ME3: variants seen among roughly 807,000 people sequenced by gnomAD.
ME3 encodes malic enzyme 3, also known as NADP-dependent malic enzyme, mitochondrial.
ME3 carries 48 observed loss-of-function variants against 68.9 expected under a neutral mutation model. The observed-to-expected ratio is 0.70, with a 90% CI of 0.55 to 0.89. ME3 has a LOEUF of 0.89. Among genes scored for constraint, ME3 ranks in the 40% least tolerant of loss-of-function variants. ME3 has a pLI of 0.00. For synonymous variants in ME3, 320 were observed against 318.8 expected (o/e 1.00, Z -0.04); for missense variants, 675 against 797.4 (o/e 0.85, Z 1.85).
intron 4 of ME3, among the ~76,000 whole-genome samples, chr11:86,533,980 C>T (rs1955458395): frequency 6.6e-6 from 1 of 151,948 alleles, no homozygotes; most frequent in Non-Finnish European, 1.5e-5. Context: ...TGTTACTGTA[C>T]TGACTACTGT....
intron 2 of ME3, among the ~76,000 whole-genome samples, chr11:86,561,244 C>A (rs990408424): frequency 1.3e-5 from 2 of 151,996 alleles, no homozygotes; most frequent in Admixed American, 6.6e-5. Context: ...CAATTCCTTA[C>A]TTTCTGGCAC....
chr11:86,530,011 C>A (rs1396350120), intron 4 of ME3, among the ~76,000 whole-genome samples: 1 of 152,122 alleles, frequency 6.6e-6, no homozygotes, highest in Non-Finnish European at 1.5e-5. Context: ...CCAGGGCAAT[C>A]AGGCAGGAGA....
chr11:86,480,464 T>C (rs949316787), intron 7 of ME3, among the ~76,000 whole-genome samples: 1 of 152,092 alleles, frequency 6.6e-6, no homozygotes, highest in African/African-American at 2.4e-5. Flanking sequence ...TTAGAAGAAA[T>C]TCCCCAAACA....
At chr11:86,545,784 G>A (rs549685837) in intron 4 of ME3, among the ~76,000 whole-genome samples, 2 of 152,122 alleles carry the variant, frequency 1.3e-5, no homozygotes, top group Non-Finnish European at 2.9e-5. Flanking sequence ...AGCTACCATT[G>A]ACTTTCTTCA....
rs149062212 is a variant in ME3, at chr11:86,670,958, G to T, written c.183+804C>A. On this transcript the variant is annotated intron_variant, in intron 2 of 14. Transcript: ENST00000543262. ...TGAGATATGTGAGTTAATTTGAGGA[G>T]GTAGGGGGAGACAGGACTAAATCTG... is the stretch of plus-strand genomic sequence containing the variant. Among the ~76,000 whole-genome samples the T allele has an allele frequency of 5.2e-3, 795 of 152,306 alleles. 5 individuals are homozygous for T. The highest frequency in any genetic ancestry group is 8.9e-3 in the Non-Finnish European group (603 of 68,016).
chr11:86,462,331 A>G (rs1395289332), intron 8 of ME3, among the ~76,000 whole-genome samples: 2 of 152,258 alleles, frequency 1.3e-5, no homozygotes, highest in Admixed American at 1.3e-4. Flanking sequence ...AAATAGGGAT[A>G]GATACTAGTC....
intron 4 of ME3, among the ~76,000 whole-genome samples, chr11:86,509,404 A>T (rs965094910): frequency 6.4e-5 from 5 of 77,652 alleles, no homozygotes; most frequent in African/African-American, 1.7e-4. Context: ...ATCATCACAC[A>T]CACACACACA....
chr11:86,637,638 C>T (rs1057215842), intron 2 of ME3, among the ~76,000 whole-genome samples: 6 of 152,050 alleles, frequency 3.9e-5, no homozygotes, highest in Admixed American at 6.5e-5. Flanking sequence ...AGACACCCCT[C>T]GAGAAGGGCC....
chr11:86,661,881 T>C (rs1946306990), intron 2 of ME3, among the ~76,000 whole-genome samples: 1 of 109,516 alleles, frequency 9.1e-6, no homozygotes, highest in African/African-American at 3.3e-5. Context: ...TGTATTGTAT[T>C]GTATTGACCA....
At chr11:86,567,657 A>G (rs1234639984) in intron 2 of ME3, among the ~76,000 whole-genome samples, 1 of 152,236 alleles carries the variant, frequency 6.6e-6, no homozygotes, top group African/African-American at 2.4e-5. Flanking sequence ...ATTTGAGGAA[A>G]AGGGATGACT....
intron 7 of ME3, among the ~76,000 whole-genome samples, chr11:86,474,698 C>G (rs560967269): frequency 6.6e-6 from 1 of 152,312 alleles, no homozygotes; most frequent in South Asian, 2.1e-4. Context: ...TGAGTGTTCT[C>G]TTCAGTTGCT....
intron 2 of ME3, among the ~76,000 whole-genome samples, chr11:86,604,238 A>G (rs1961260133): frequency 1.3e-5 from 2 of 152,054 alleles, no homozygotes; most frequent in South Asian, 4.2e-4. Context: ...GTTTCTTATT[A>G]GGTTTAAGGT....
intron 4 of ME3, among the ~76,000 whole-genome samples, chr11:86,514,484 G>A (rs965827872): frequency 6.6e-6 from 1 of 152,184 alleles, no homozygotes; most frequent in Non-Finnish European, 1.5e-5. Flanking sequence ...CTGGAATGGG[G>A]ATTTTCAAGT....
At position 86,442,742 on chromosome 11, in the gene ME3, C is replaced by T. The variant is rs779248576; in HGVS notation, c.1653+79G>A. On this transcript the variant is annotated intron_variant, in intron 14 of 14. Coordinates refer to ENST00000543262, the Ensembl canonical transcript of ME3. ...TCCAGTGTCTCCACAGTTTCCATCC[C>T]CTTAACCCTCCTAAAGTCACAGACA... 32 of 1,238,568 alleles carry T rather than the reference C, an allele frequency of 2.6e-5. No individual in the cohort carries two copies. In the East Asian group the frequency reaches 7.3e-4, roughly 28 times the overall value. 76.7% of individuals were successfully genotyped at this position (1,238,568 alleles called of 1,614,324 possible).
chr11:86,637,349 C>CAAAAAAAAAAAAAA (rs11402713), intron 2 of ME3, among the ~76,000 whole-genome samples: 2 of 122,062 alleles, frequency 1.6e-5, no homozygotes, highest in Non-Finnish European at 1.7e-5. Context: ...ACAAGAAGCA[C>CAAAAAAAAAAAAAA]AAAAAAAAAA....
intron 4 of ME3, among the ~76,000 whole-genome samples, chr11:86,529,481 G>T (rs866721815): frequency 1.3e-5 from 2 of 152,196 alleles, no homozygotes; most frequent in Admixed American, 1.3e-4. Flanking sequence ...AATAGAAAAA[G>T]AGGGAATCCT....
At chr11:86,568,058 G>T (rs1957585059) in intron 2 of ME3, among the ~76,000 whole-genome samples, 1 of 152,072 alleles carries the variant, frequency 6.6e-6, no homozygotes, top group Non-Finnish European at 1.5e-5. Context: ...GTTTCCGTGT[G>T]TCTAGTAAAT....
chr11:86,560,746 G>GTATATA (rs1456434091), intron 2 of ME3, among the ~76,000 whole-genome samples: 8 of 90,278 alleles, frequency 8.9e-5, no homozygotes, highest in Non-Finnish European at 1.1e-4. Context: ...GTGTGTGTGT[G>GTATATA]TGTATATATA....
At chr11:86,605,181 T>A (rs111447272) in intron 2 of ME3, among the ~76,000 whole-genome samples, 1 of 152,260 alleles carries the variant, frequency 6.6e-6, no homozygotes, top group Admixed American at 6.5e-5. Flanking sequence ...TATCAGTACT[T>A]CATTGCTTTT....
Sources: gnomAD v4.1 joint callset for allele counts (sites outside exome capture counted in the v4.1 genomes callset) on GRCh38, gnomAD v4.1.1 for gene constraint, MANE v1.5 for transcripts, NCBI Gene and HGNC (gene_info 2026-07-23, HGNC 2026-07-21) for gene names.